Variants in TRAK1 observed in about 807,000 individuals in gnomAD.
TRAK1 encodes trafficking kinesin-binding protein 1.
In TRAK1, 33 loss-of-function variants were observed where a neutral mutation model predicts 92.1. That is an observed-to-expected ratio of 0.36 (90% CI 0.27 to 0.48). The LOEUF is 0.48. TRAK1 is among the 20% of genes least tolerant of loss of function. The probability of loss-of-function intolerance (pLI) is 0.99; values close to 1 mark genes in which losing one functional copy is unlikely to be tolerated. For missense variants in TRAK1, 1,123 were observed against 1,257.9 expected (o/e 0.89, Z 1.62); for synonymous variants, 521 against 517.3 (o/e 1.01, Z -0.10).
chr3:42,103,032 C>T lies in TRAK1; in HGVS notation c.91+11472C>T, dbSNP rs1004401180. On this transcript the variant is annotated intron_variant, in intron 1 of 15. Transcript: ENST00000327628. ...ATAATTTAGTGGTTTTTAGTATGTT[C>T]GTGGGGTTGTGCAATTATCACCAGT... 4.6e-5 allele frequency among the ~76,000 whole-genome samples: 7 copies of T among 152,218 alleles called. No individual in the cohort carries two copies. In the East Asian group the frequency reaches 1.3e-3, roughly 29 times the overall value.
At position 42,188,095 on chromosome 3, in the gene TRAK1, C is replaced by T; in HGVS notation, c.531C>T (p.Phe177=). The T allele has an allele frequency of 6.2e-7, 1 of 1,614,170 alleles. No homozygotes were observed. ...CCATGAAGGATGAGCTGCTTCAGTT[C>T]TACACCAGCGCTGCGGAGGAGAGTG... The part of the protein sequence containing the change: ...ELSMKDELLQ[F]YTSAAEESEP... Residue 177 remains phenylalanine, a synonymous_variant, in exon 5 of 16, where the codon TTC becomes TTT. Transcript: ENST00000327628.
chr3:42,107,131 C>A (rs983628878), intron 1 of TRAK1, among the ~76,000 whole-genome samples: 3 of 152,210 alleles, frequency 2.0e-5, no homozygotes, highest in African/African-American at 7.2e-5. Context: ...TGAACTCTGG[C>A]AGCTGCTCAG....
At chr3:42,209,572 G>A (rs1267270410) in intron 13 of TRAK1, among the ~76,000 whole-genome samples, 195 bp from the exon 14 acceptor site, 1 of 152,136 alleles carries the variant, frequency 6.6e-6, no homozygotes, top group African/African-American at 2.4e-5. Flanking sequence ...GCATGGTAGG[G>A]TTTGGCTTCT....
At chr3:42,138,073 T>C (rs895022829) in intron 2 of TRAK1, among the ~76,000 whole-genome samples, 1 of 152,228 alleles carries the variant, frequency 6.6e-6, no homozygotes, top group African/African-American at 2.4e-5. Context: ...ATAGGGACCT[T>C]TAATTTTTGT....
At chr3:42,112,195 G>C (rs1205228870) in intron 1 of TRAK1, among the ~76,000 whole-genome samples, 2 of 133,656 alleles carry the variant, frequency 1.5e-5, no homozygotes, top group African/African-American at 5.7e-5. Context: ...AGGCTGGAGT[G>C]CAATGGCGCG....
intron 2 of TRAK1, among the ~76,000 whole-genome samples, chr3:42,129,636 A>G (rs1166690190): frequency 6.6e-6 from 1 of 152,216 alleles, no homozygotes; most frequent in Non-Finnish European, 1.5e-5. Context: ...CAAAACAAAT[A>G]TACCCACAAC....
intron 1 of TRAK1, among the ~76,000 whole-genome samples, chr3:42,107,685 G>A (rs1377047037): frequency 1.3e-5 from 2 of 151,960 alleles, no homozygotes; most frequent in Non-Finnish European, 2.9e-5. Flanking sequence ...TAACCTCTTA[G>A]CCTGTAACCT....
chr3:42,131,321 C>T (rs1697168612), intron 2 of TRAK1, among the ~76,000 whole-genome samples: 1 of 152,154 alleles, frequency 6.6e-6, no homozygotes, highest in Non-Finnish European at 1.5e-5. Context: ...CCTTTTGTCT[C>T]TCTGGACAGT....
intron 13 of TRAK1, among the ~76,000 whole-genome samples, chr3:42,209,246 C>A (rs2149500498): frequency 6.6e-6 from 1 of 152,292 alleles, no homozygotes; most frequent in Middle Eastern, 3.4e-3. Context: ...CTGTGTACTG[C>A]TTTCATTTCT....
intron 1 of TRAK1, among the ~76,000 whole-genome samples, chr3:42,057,022 A>G (rs761236896): frequency 6.6e-6 from 1 of 152,218 alleles, no homozygotes; most frequent in African/African-American, 2.4e-5. Context: ...TGAATAGAAC[A>G]GGGACCTGGT....
At chr3:42,065,402 A>T (rs1011108850) in intron 1 of TRAK1, among the ~76,000 whole-genome samples, 2 of 152,196 alleles carry the variant, frequency 1.3e-5, no homozygotes, top group African/African-American at 4.8e-5. Context: ...CAGGTTTGAA[A>T]TTCTGAAATC....
intron 2 of TRAK1, among the ~76,000 whole-genome samples, chr3:42,141,126 T>C (rs1698598484): frequency 6.6e-6 from 1 of 152,246 alleles, no homozygotes; most frequent in African/African-American, 2.4e-5. Flanking sequence ...ATTGTTAGTG[T>C]TCATTCATCT....
intron 10 of TRAK1, among the ~76,000 whole-genome samples, chr3:42,197,002 TCACA>T (rs773977076): frequency 0.16 from 16,286 of 103,088 alleles, 1,045 homozygotes; most frequent in South Asian, 0.3. Context: ...TCTCTCTCTC[TCACA>T]CACACACACA....
chr3:42,097,602 T>C (rs2148997547), intron 1 of TRAK1, among the ~76,000 whole-genome samples: 1 of 152,370 alleles, frequency 6.6e-6, no homozygotes, highest in East Asian at 1.9e-4. Context: ...TAACAGTTTC[T>C]ACTTTTAGCT....
chr3:42,034,168 G>T (rs1161025112), intron 1 of TRAK1, among the ~76,000 whole-genome samples: 1 of 152,190 alleles, frequency 6.6e-6, no homozygotes, highest in Non-Finnish European at 1.5e-5. Flanking sequence ...AGCACCCATT[G>T]TCCTTCCTTT....
At position 42,153,604 on chromosome 3, in the gene TRAK1, G is replaced by A. The variant is rs535435474; in HGVS notation, c.287-23210G>A. On this transcript the variant is annotated intron_variant, in intron 2 of 15. Transcript: ENST00000327628. Reference sequence around the variant, plus strand: ...AATGAAGAAACTCGGGTAGATTGTCGCAGAAGTTATTCTTACAGCTTCTTA... The same window carrying A: ...AATGAAGAAACTCGGGTAGATTGTCACAGAAGTTATTCTTACAGCTTCTTA... Among the ~76,000 whole-genome samples the A allele has an allele frequency of 7.9e-5, 12 of 152,128 alleles. 1 individual carries two copies. The highest frequency in any genetic ancestry group is 6.5e-4 in the Admixed American group (10 of 15,278).
In TRAK1 at chr3:42,117,803, C is replaced by T. The variant is rs57841173; in HGVS notation, c.92-7617C>T. Among the ~76,000 whole-genome samples, 6 of 147,076 alleles carry T rather than the reference C, an allele frequency of 4.1e-5. No homozygotes were observed. In the South Asian group the frequency reaches 7.0e-4, roughly 17 times the overall value. The stretch of plus-strand genomic sequence containing the variant: ...TAGGCTGACTTCTTCTGAGAGTCCA[C>T]ATATCTGTATTTCTTCTTTTCTTTT... On this transcript the variant is annotated intron_variant, in intron 1 of 15. Transcript: ENST00000327628.
intron 1 of TRAK1, among the ~76,000 whole-genome samples, chr3:42,057,355 G>A (rs2148921016): frequency 6.6e-6 from 1 of 152,330 alleles, no homozygotes; most frequent in East Asian, 1.9e-4. Flanking sequence ...GGGAAGGAAT[G>A]AAGGGTGAAT....
intron 1 of TRAK1, among the ~76,000 whole-genome samples, chr3:42,018,892 G>A (rs961226820): frequency 6.6e-6 from 1 of 152,208 alleles, no homozygotes; most frequent in Non-Finnish European, 1.5e-5. Context: ...GGGAGGTGGA[G>A]GCAGGTGGAT....
Sources: allele counts gnomAD v4.1 joint callset (sites outside exome capture counted in the v4.1 genomes callset), GRCh38; gene constraint gnomAD v4.1.1; transcripts MANE v1.5; gene names NCBI Gene and HGNC (gene_info 2026-07-23, HGNC 2026-07-21).